The following PFDN1 variants were observed in gnomAD, a reference collection of about 807,000 sequenced individuals.
PFDN1 encodes prefoldin 1.
A neutral mutation model predicts 17.3 loss-of-function variants in PFDN1; 6 were observed. That is an observed-to-expected ratio of 0.35 (90% CI 0.19 to 0.69). The LOEUF (loss-of-function observed/expected upper bound fraction) is 0.69. Ranked by LOEUF, PFDN1 falls within the 30% of genes least tolerant of loss-of-function variation. The pLI is 0.65. For synonymous variants in PFDN1, 58 were observed against 50.1 expected (o/e 1.16, Z -0.67); for missense variants, 113 against 146.2 (o/e 0.77, Z 1.17).
At chr5:140,301,155 T>C (rs1317558279) in intron 1 of PFDN1, among the ~76,000 whole-genome samples, 2 of 152,316 alleles carry the variant, frequency 1.3e-5, no homozygotes, top group Admixed American at 6.5e-5. Context: ...GAACAACTAC[T>C]GGGGGGAAGG....
At chr5:140,274,410 C>CAGT (rs1402607136) in intron 3 of PFDN1, among the ~76,000 whole-genome samples, 10 of 152,270 alleles carry the variant, frequency 6.6e-5, no homozygotes, top group African/African-American at 2.4e-4. Flanking sequence ...ATTATGCACT[C>CAGT]AGTACCTTCT....
rs59523773 is a variant in PFDN1, at chr5:140,283,263, C to T, written c.201-1730G>A. ...AATTTTTTTTTTTGAGACGGAGTCT[C>T]GCTCTGTTGCCCAGGCTGGAGTGCA... On this transcript the variant is annotated intron_variant, in intron 2 of 3. Transcript: ENST00000261813. 2.1e-3 allele frequency among the ~76,000 whole-genome samples: 321 copies of T among 152,152 alleles called. 1 individual carries two copies. Among genetic ancestry groups the T allele is most frequent in the African/African-American group, 7.6e-3 (314 of 41,506 alleles).
chr5:140,257,771 G>A (rs1045272690), intron 3 of PFDN1, among the ~76,000 whole-genome samples: 1 of 152,202 alleles, frequency 6.6e-6, no homozygotes, highest in Non-Finnish European at 1.5e-5. Context: ...CAGTAGAGAA[G>A]CGAACAAAGC....
rs1176743159 is a variant in PFDN1, at chr5:140,254,204, A to ACAGGCAGTGGGCTGGACGGGG, written c.286-8168_286-8148dup. 1.3e-5 allele frequency among the ~76,000 whole-genome samples: 2 copies of ACAGGCAGTGGGCTGGACGGGG among 152,212 alleles called. No individual in the cohort carries two copies. The highest frequency in any genetic ancestry group is 4.8e-5 in the African/African-American group (2 of 41,452). ...ACGGCTATGTTTCGAAAGCACAGAA[A>ACAGGCAGTGGGCTGGACGGGG]CAGGCAGTGGGCTGGACGGGGCAGG... On this transcript the variant is annotated intron_variant, in intron 3 of 3. Transcript: ENST00000261813. This position sits in a 1 kb window ranked among gnomAD's most constrained non-coding sequence, Gnocchi z 4.4.
intron 3 of PFDN1, among the ~76,000 whole-genome samples, chr5:140,265,194 T>C (rs1056159700): frequency 6.6e-6 from 1 of 152,096 alleles, no homozygotes; most frequent in Non-Finnish European, 1.5e-5. Flanking sequence ...CAGCCTCTGC[T>C]TGGACAGCCC....
chr5:140,253,430 A>C (rs752254066), intron 3 of PFDN1, among the ~76,000 whole-genome samples: 2 of 152,148 alleles, frequency 1.3e-5, no homozygotes, highest in African/African-American at 2.4e-5. Flanking sequence ...AGGGGAAAAA[A>C]TTCTTCTTCA....
intron 3 of PFDN1, among the ~76,000 whole-genome samples, chr5:140,280,769 T>C (rs1765386552): frequency 6.6e-6 from 1 of 152,196 alleles, no homozygotes; most frequent in African/African-American, 2.4e-5. Flanking sequence ...CCAGTCTAAC[T>C]TTTACTATAC....
rs568906130 is a variant in PFDN1, at chr5:140,253,937, A to T, written c.286-7880T>A. Among the ~76,000 whole-genome samples, 8 of 152,316 alleles carry T rather than the reference A, an allele frequency of 5.3e-5. No homozygotes were observed. In the East Asian group the frequency reaches 1.3e-3, roughly 26 times the overall value. ...ACTGAACCAGAAACCCTGGGGATGG[A>T]CTACAGCAATCTGTGTTTTCACAAT... On this transcript the variant is annotated intron_variant, in intron 3 of 3. Coordinates refer to ENST00000261813, the MANE Select transcript of PFDN1 (RefSeq NM_002622.5).
At chr5:140,286,045 AT>A (rs1765482915) in intron 2 of PFDN1, among the ~76,000 whole-genome samples, 1 of 152,152 alleles carries the variant, frequency 6.6e-6, no homozygotes, top group Non-Finnish European at 1.5e-5. Flanking sequence ...TTAAAAAAAA[AT>A]ATTTTTTTTA....
chr5:140,299,787 G>T (rs1328148035), intron 2 of PFDN1, among the ~76,000 whole-genome samples: 1 of 151,852 alleles, frequency 6.6e-6, no homozygotes, highest in Non-Finnish European at 1.5e-5. Context: ...GCTGAGGTGG[G>T]CGGATCAGGA....
At chr5:140,278,669 C>T (rs1468620311) in intron 3 of PFDN1, among the ~76,000 whole-genome samples, 1 of 150,596 alleles carries the variant, frequency 6.6e-6, no homozygotes, top group Non-Finnish European at 1.5e-5. Context: ...CTCTAAATAT[C>T]ACTGCCCACT....
chr5:140,301,243 T>C (rs1338066517), intron 1 of PFDN1, among the ~76,000 whole-genome samples: 1 of 152,142 alleles, frequency 6.6e-6, no homozygotes, highest in African/African-American at 2.4e-5. Context: ...GTAATATTCA[T>C]AATATGAACA....
intron 3 of PFDN1, among the ~76,000 whole-genome samples, chr5:140,268,790 T>C (rs1765167395): frequency 6.6e-6 from 1 of 152,218 alleles, no homozygotes; most frequent in Admixed American, 6.5e-5. Flanking sequence ...GGTATGTCAA[T>C]TACATATGTG....
At position 140,278,557 on chromosome 5, in the gene PFDN1, C is replaced by CA. The variant is rs113129230; in HGVS notation, c.285+2891dup. On this transcript the variant is annotated intron_variant, in intron 3 of 3. Coordinates refer to ENST00000261813, the MANE Select transcript of PFDN1 (RefSeq NM_002622.5). ...CCTGGGACAGAATGAGACTCTGTCT[C>CA]AAAAAAAAAAAAAAAAAAAAAAAAA... is the stretch of plus-strand genomic sequence containing the variant. 2.9e-3 allele frequency among the ~76,000 whole-genome samples: 233 copies of CA among 79,000 alleles called. 14 individuals are homozygous for CA. The highest frequency in any genetic ancestry group is 1.0e-2 in the East Asian group (21 of 2,102). The allele number at this position is 79,000 out of a possible 152,430, so 51.8% of individuals were successfully genotyped here.
At chr5:140,289,965 G>A (rs1765555751) in intron 2 of PFDN1, among the ~76,000 whole-genome samples, 1 of 151,970 alleles carries the variant, frequency 6.6e-6, no homozygotes, top group Non-Finnish European at 1.5e-5. Flanking sequence ...ATAGCTTCCT[G>A]CCTGCCTATG....
At chr5:140,278,250 A>T (rs1011553983) in intron 3 of PFDN1, among the ~76,000 whole-genome samples, 1 of 151,714 alleles carries the variant, frequency 6.6e-6, no homozygotes, top group African/African-American at 2.4e-5. Context: ...AGAGCTGAGA[A>T]ATTCCTAACA....
At chr5:140,256,656 G>GAAAAAAA (rs1764989657) in intron 3 of PFDN1, among the ~76,000 whole-genome samples, 1 of 6,560 alleles carries the variant, frequency 1.5e-4, no homozygotes, top group African/African-American at 4.5e-4. Context: ...AACAAAAAAT[G>GAAAAAAA]ACAAAAAAAA....
At chr5:140,286,873 G>A (rs1765503190) in intron 2 of PFDN1, among the ~76,000 whole-genome samples, 1 of 152,076 alleles carries the variant, frequency 6.6e-6, no homozygotes, top group African/African-American at 2.4e-5. Context: ...CCAAAGAGCT[G>A]GGATTATATA....
At position 140,268,108 on chromosome 5, in the gene PFDN1, G is replaced by A. The variant is rs181907206; in HGVS notation, c.285+13341C>T. Among the ~76,000 whole-genome samples, 773 of 152,294 alleles carry A rather than the reference G, an allele frequency of 5.1e-3. 1 individual carries two copies. The highest frequency in any genetic ancestry group is 7.8e-3 in the Admixed American group (119 of 15,290). The stretch of plus-strand genomic sequence containing the variant: ...AATATTTCGATTATGCTGGCAGCAG[G>A]TAAGAGACTGAAAGCAAGACAAAGT... On this transcript the variant is annotated intron_variant, in intron 3 of 3. Transcript: ENST00000261813.
Sources: gnomAD v4.1 joint callset for allele counts (sites outside exome capture counted in the v4.1 genomes callset) on GRCh38, gnomAD v4.1.1 for gene constraint, Gnocchi (gnomAD v3.1) non-coding constraint, MANE v1.5 for transcripts, NCBI Gene and HGNC (gene_info 2026-07-23, HGNC 2026-07-21) for gene names.